The following LACTB2 variants were observed in gnomAD, a reference collection of about 807,000 sequenced individuals.
LACTB2 encodes the protein endoribonuclease LACTB2.
In LACTB2, 32 loss-of-function variants were observed where a neutral mutation model predicts 34.8. The observed-to-expected ratio is 0.92, with a 90% CI of 0.69 to 1.24. The LOEUF (loss-of-function observed/expected upper bound fraction) is 1.24, where lower values mean the gene tolerates loss of function less well. Among genes scored for constraint, LACTB2 ranks in the 50% most tolerant of loss-of-function variants. The probability of loss-of-function intolerance (pLI) is 0.00; values close to 1 mark genes in which losing one functional copy is unlikely to be tolerated. For missense variants in LACTB2, 320 were observed against 345.0 expected, an observed-to-expected ratio of 0.93 and a Z score of 0.57; for synonymous variants, 120 against 117.5, an observed-to-expected ratio of 1.02 and a Z score of -0.14.
chr8:70,648,497 T>C (rs1382888246), intron 3 of LACTB2, among the ~76,000 whole-genome samples: 1 of 151,592 alleles, frequency 6.6e-6, no homozygotes, highest in Non-Finnish European at 1.5e-5. Context: ...AATAAAAACA[T>C]GTAGTAAGAT....
chr8:70,668,888 C>T, intron 1 of LACTB2, 111 bp downstream of exon 1: 1 of 1,444,074 alleles, frequency 6.9e-7, no homozygotes, highest in South Asian at 1.4e-5. Flanking sequence ...CGGGGCTGCC[C>T]AGCTAGGGAC....
chr8:70,660,570 G>T, intron 2 of LACTB2: 1 of 455,640 alleles, frequency 2.2e-6, no homozygotes, highest in Non-Finnish European at 4.4e-6. Flanking sequence ...GAATGTTCTT[G>T]ACCTCCTTAC....
intron 4 of LACTB2, among the ~76,000 whole-genome samples, chr8:70,642,172 T>C (rs2132068673): frequency 6.6e-6 from 1 of 152,368 alleles, no homozygotes; most frequent in African/African-American, 2.4e-5. Context: ...TTAGCTTAGC[T>C]TGAATGTGAA....
At chr8:70,640,817 T>C in intron 5 of LACTB2, 85 bp downstream of exon 5, 1 of 1,321,842 alleles carries the variant, frequency 7.6e-7, no homozygotes, top group Non-Finnish European at 9.9e-7. Context: ...TGATCTGGGA[T>C]ATAAGTTTAT....
At chr8:70,639,653 A>T (rs546955583) in intron 5 of LACTB2, among the ~76,000 whole-genome samples, 44 of 152,120 alleles carry the variant, frequency 2.9e-4, no homozygotes, top group African/African-American at 9.9e-4. Flanking sequence ...ATTTTAATTT[A>T]AATTTAATTT....
intron 1 of LACTB2, among the ~76,000 whole-genome samples, chr8:70,664,199 A>T (rs1818512860): frequency 6.6e-6 from 1 of 152,036 alleles, no homozygotes; most frequent in Non-Finnish European, 1.5e-5. Context: ...TAAGGCTCAA[A>T]TTTTTTCAAT....
intron 1 of LACTB2, 192 bp from the exon 2 acceptor site, chr8:70,662,089 A>G (rs1818487511): frequency 1.8e-5 from 9 of 487,480 alleles, no homozygotes; most frequent in Non-Finnish European, 3.2e-5. Context: ...GAAAAATTAG[A>G]GCTAAATATA....
At chr8:70,642,406 T>C (rs963708158) in intron 4 of LACTB2, among the ~76,000 whole-genome samples, 1 of 152,120 alleles carries the variant, frequency 6.6e-6, no homozygotes, top group African/African-American at 2.4e-5. Context: ...GATCTTTCAA[T>C]GGCTTGGTTA....
chr8:70,656,973 C>T (rs534148440), intron 3 of LACTB2, among the ~76,000 whole-genome samples: 2 of 152,260 alleles, frequency 1.3e-5, no homozygotes, highest in African/African-American at 2.4e-5. Context: ...TAAAGTCTTA[C>T]ATACTGAGAA....
intron 1 of LACTB2, among the ~76,000 whole-genome samples, chr8:70,666,289 A>G (rs1327563162): frequency 6.6e-6 from 1 of 152,172 alleles, no homozygotes; most frequent in Non-Finnish European, 1.5e-5. Context: ...TTTCATTATC[A>G]TTGAGATAAG....
intron 1 of LACTB2, among the ~76,000 whole-genome samples, chr8:70,668,574 T>C (rs1818568583): frequency 6.6e-6 from 1 of 152,096 alleles, no homozygotes; most frequent in East Asian, 1.9e-4. Flanking sequence ...CGCCTCAACA[T>C]AATTAATCGC....
intron 2 of LACTB2, chr8:70,660,697 A>T (rs1484130043): frequency 2.2e-6 from 1 of 456,202 alleles, no homozygotes; most frequent in Non-Finnish European, 4.4e-6. Context: ...CTCTGGATAT[A>T]ACAGCCCTTG....
intron 4 of LACTB2, among the ~76,000 whole-genome samples, chr8:70,642,042 C>T (rs552289232): frequency 1.0e-3 from 152 of 152,242 alleles, no homozygotes; most frequent in Non-Finnish European, 1.9e-3. Flanking sequence ...GGCTAGAAGA[C>T]TTTAATATAT....
chr8:70,669,054 G>A lies in LACTB2; in HGVS notation c.67C>T (p.Pro23Ser), dbSNP rs1235841086. Residue 23 changes from proline (P) to serine (S), a missense_variant, in exon 1 of 7, where the codon CCG becomes TCG. By Grantham distance (74) the Pro-to-Ser change is moderately conservative. Coordinates refer to ENST00000276590, the MANE Select transcript of LACTB2 (RefSeq NM_016027.3). ...NRVVRVLGCN[P>S]GPMTLQGTNT... Reference sequence around the variant, plus strand: ...GTGCCTTGGAGGGTCATGGGACCCGGGTTACAGCCCAACACACGCACGACT... The same window carrying A: ...GTGCCTTGGAGGGTCATGGGACCCGAGTTACAGCCCAACACACGCACGACT... 6.2e-7 allele frequency: 1 copy of A among 1,612,040 alleles called. No individual in the cohort carries two copies. Among genetic ancestry groups the A allele is most frequent in the Non-Finnish European group, 8.5e-7 (1 of 1,179,392 alleles).
At chr8:70,666,131 A>G (rs1350397541) in intron 1 of LACTB2, among the ~76,000 whole-genome samples, 1 of 152,204 alleles carries the variant, frequency 6.6e-6, no homozygotes. Flanking sequence ...TCATTCATTC[A>G]GCAACTGTTT....
At chr8:70,638,764 C>T (rs1212587036) in intron 5 of LACTB2, 135 bp from the exon 6 acceptor site, 25 of 662,076 alleles carry the variant, frequency 3.8e-5, no homozygotes, top group Non-Finnish European at 5.0e-5. Flanking sequence ...TTTTTTGAGA[C>T]AGAGTCTCAC....
At chr8:70,655,758 C>T (rs914723282) in intron 3 of LACTB2, among the ~76,000 whole-genome samples, 1 of 152,142 alleles carries the variant, frequency 6.6e-6, no homozygotes, top group African/African-American at 2.4e-5. Flanking sequence ...ACTTTTAGTT[C>T]TTTAAGGAAT....
intron 4 of LACTB2, among the ~76,000 whole-genome samples, chr8:70,642,886 T>C (rs1818217056): frequency 6.6e-6 from 1 of 152,164 alleles, no homozygotes; most frequent in South Asian, 2.1e-4. Context: ...GAAATAAAGA[T>C]ACCATTTTAT....
intron 1 of LACTB2, 112 bp downstream of exon 1, chr8:70,668,887 C>A (rs1818580498): frequency 9.7e-6 from 14 of 1,442,868 alleles, no homozygotes; most frequent in South Asian, 8.2e-5. Flanking sequence ...GCGGGGCTGC[C>A]CAGCTAGGGA....
Sources: allele counts gnomAD v4.1 joint callset (sites outside exome capture counted in the v4.1 genomes callset), GRCh38; gene constraint gnomAD v4.1.1; transcripts MANE v1.5; gene names NCBI Gene and HGNC (gene_info 2026-07-23, HGNC 2026-07-21).